The following RDX variants were observed in gnomAD, a reference collection of about 807,000 sequenced individuals.
The protein encoded by RDX is radixin, also known as deafness, autosomal recessive 24.
A neutral mutation model predicts 83.7 loss-of-function variants in RDX; 32 were observed. The ratio of observed to expected loss-of-function variants is 0.38; its 90% CI spans 0.29 to 0.51. The LOEUF (loss-of-function observed/expected upper bound fraction) is 0.51, where lower values mean the gene tolerates loss of function less well. Ranked by LOEUF, RDX falls within the 20% of genes least tolerant of loss-of-function variation. The pLI is 0.87. For synonymous variants in RDX, 229 were observed against 222.7 expected, an observed-to-expected ratio of 1.03 and a Z score of -0.25; for missense variants, 600 against 689.9, an observed-to-expected ratio of 0.87 and a Z score of 1.46.
rs752109745 is a variant in RDX at position 110,236,143 on chromosome 11, C to G, written c.1300G>C (p.Ala434Pro). 1 of 1,612,436 alleles carries G rather than the reference C, an allele frequency of 6.2e-7. No individual in the cohort carries two copies. The highest frequency in any genetic ancestry group is 1.7e-5 in the Admixed American group (1 of 60,026). The stretch of plus-strand genomic sequence containing the variant: ...GCTTCCTCTTCCTTTTTCTTCTTGG[C>G]TTCCTCTAGAAGTGCAATCTTGGCA... ...FTAKIALLEE[A>P]KKKKEEEATE... The change falls in exon 12 of 14, where the codon GCC becomes CCC. Residue 434 changes from alanine to proline, a missense_variant. Coordinates refer to ENST00000645495, the MANE Select transcript of RDX (RefSeq NM_002906.4).
intron 11 of RDX, 190 bp from the exon 12 acceptor site, chr11:110,236,381 AC>A: frequency 1.9e-6 from 1 of 535,020 alleles, no homozygotes; most frequent in East Asian, 3.2e-5. Flanking sequence ...AGCTAAGGAG[AC>A]AAAATTAAAA....
At chr11:110,253,035 T>A (rs1565316141) in intron 9 of RDX, among the ~76,000 whole-genome samples, 1 of 152,208 alleles carries the variant, frequency 6.6e-6, no homozygotes, top group African/African-American at 2.4e-5. Context: ...AGGAAGATAA[T>A]TTGAGTTAAT....
At chr11:110,215,773 C>T (rs1447603823) in intron 14 of RDX, among the ~76,000 whole-genome samples, 1 of 152,196 alleles carries the variant, frequency 6.6e-6, no homozygotes, top group Non-Finnish European at 1.5e-5. Flanking sequence ...TAAGGGCTTT[C>T]GCTTCTAAGA....
intron 14 of RDX, among the ~76,000 whole-genome samples, chr11:110,211,879 G>C (rs1348071584): frequency 2.0e-5 from 3 of 150,618 alleles, no homozygotes; most frequent in Non-Finnish European, 4.4e-5. Context: ...ACAAGAGAAA[G>C]CAGGAAAGAT....
chr11:110,191,756 T>C (rs1356927299), intron 15 of RDX, among the ~76,000 whole-genome samples: 1 of 152,140 alleles, frequency 6.6e-6, no homozygotes, highest in African/African-American at 2.4e-5. Flanking sequence ...CTCAGGAAGC[T>C]GAGGCAGGAG....
chr11:110,215,362 C>CAAAAAAAA (rs998888063), intron 14 of RDX, among the ~76,000 whole-genome samples: 35 of 125,824 alleles, frequency 2.8e-4, no homozygotes, highest in Middle Eastern at 4.2e-3. Context: ...GACTCCATCT[C>CAAAAAAAA]AAAAAATAAA....
intron 1 of RDX, among the ~76,000 whole-genome samples, chr11:110,291,397 T>C (rs1861236463): frequency 6.6e-6 from 1 of 151,932 alleles, no homozygotes; most frequent in South Asian, 2.1e-4. Context: ...AAAAGAAGTA[T>C]CTATTGGGAA....
chr11:110,236,034 A>C, intron 12 of RDX, 65 bp downstream of exon 12: 1 of 1,138,706 alleles, frequency 8.8e-7, no homozygotes, highest in South Asian at 1.2e-5. Flanking sequence ...TTATCACTAC[A>C]AAGTCAGCAT....
chr11:110,278,858 C>CAA (rs202212312), intron 2 of RDX, among the ~76,000 whole-genome samples: 2 of 101,672 alleles, frequency 2.0e-5, no homozygotes, highest in South Asian at 3.5e-4. Context: ...AAGAAACATT[C>CAA]AAAAAAAAAA....
intron 1 of RDX, among the ~76,000 whole-genome samples, chr11:110,295,523 C>CT (rs971871539): frequency 2.0e-5 from 3 of 149,460 alleles, no homozygotes; most frequent in African/African-American, 7.4e-5. Context: ...ATGAAGTTGA[C>CT]TTTTAACACA....
intron 7 of RDX, among the ~76,000 whole-genome samples, chr11:110,256,600 C>T (rs1020645803): frequency 6.6e-6 from 1 of 152,110 alleles, no homozygotes; most frequent in Non-Finnish European, 1.5e-5. Context: ...AGAAGCCAGG[C>T]ACAGTGGCTC....
chr11:110,180,545 T>A (rs1472074264), intron 15 of RDX, among the ~76,000 whole-genome samples: 1 of 152,206 alleles, frequency 6.6e-6, no homozygotes. Flanking sequence ...CACAGCTCTG[T>A]GGTCACCCTC....
chr11:110,227,035 G>A (rs1864456485), downstream of RDX, among the ~76,000 whole-genome samples: 1 of 152,032 alleles, frequency 6.6e-6, no homozygotes. Context: ...TGCAATGATA[G>A]CATAGAGAAT....
chr11:110,255,796 C>T (rs377405424), intron 7 of RDX, among the ~76,000 whole-genome samples: 3 of 151,990 alleles, frequency 2.0e-5, no homozygotes, highest in East Asian at 3.9e-4. Flanking sequence ...ATGTGAATTA[C>T]GGGCAAGTTA....
chr11:110,268,544 A>G (rs191523720), intron 3 of RDX, among the ~76,000 whole-genome samples: 15 of 152,328 alleles, frequency 9.8e-5, no homozygotes, highest in Non-Finnish European at 7.3e-5. Context: ...AAAGCAGCAG[A>G]GAGAAGTATA....
intron 14 of RDX, among the ~76,000 whole-genome samples, chr11:110,221,841 C>T (rs1337183166): frequency 1.3e-5 from 2 of 152,104 alleles, no homozygotes; most frequent in African/African-American, 4.8e-5. Context: ...CACTTAACTA[C>T]CATACTTTCT....
chr11:110,296,350 C>G (rs1010115717), intron 1 of RDX, 117 bp downstream of exon 1: 1 of 151,916 alleles, frequency 6.6e-6, no homozygotes, highest in South Asian at 2.1e-4. Flanking sequence ...GCGCGCCAAG[C>G]CCTGGCGGCG....
At chr11:110,183,960 G>C (rs768012930) in intron 15 of RDX, among the ~76,000 whole-genome samples, 2 of 152,190 alleles carry the variant, frequency 1.3e-5, no homozygotes, top group African/African-American at 4.8e-5. Flanking sequence ...GTGCATTGTA[G>C]GATGTTTTCC....
chr11:110,217,927 G>T (rs1864114629), intron 14 of RDX, among the ~76,000 whole-genome samples: 1 of 152,090 alleles, frequency 6.6e-6, no homozygotes, highest in Admixed American at 6.5e-5. Flanking sequence ...AATTATTTAT[G>T]ATGATGTATT....
Sources: gnomAD v4.1 joint callset for allele counts (sites outside exome capture counted in the v4.1 genomes callset) on GRCh38, gnomAD v4.1.1 for gene constraint, MANE v1.5 for transcripts, NCBI Gene and HGNC (gene_info 2026-07-23, HGNC 2026-07-21) for gene names.